Variants in KRTAP4-8 observed in about 807,000 individuals in gnomAD.
KRTAP4-8 encodes keratin associated protein 4-8.
For synonymous variants in KRTAP4-8, 66 were observed against 86.6 expected, an observed-to-expected ratio of 0.76 and a Z score of 1.32; for missense variants, 188 against 237.4, an observed-to-expected ratio of 0.79 and a Z score of 1.37.
rs780945513 is a variant in KRTAP4-8, at chr17:41,098,032, T to A, written c.53A>T (p.Asp18Val). ...GCAGCAGCAGGTCTCCTGGCAGAGG[T>A]CTTGGCCACAGCCTTGGTCAGAGCA... ...SVCSDQGCGQ[D>V]LCQETCCCPS... The change falls in exon 1 of 1, where the codon GAC becomes GTC. Residue 18 changes from aspartate to valine, a missense_variant. By Grantham distance (152) the Asp-to-Val change is radical. Transcript: ENST00000333822. 28 of 1,613,222 alleles carry A rather than the reference T, an allele frequency of 1.7e-5. No individual in the cohort carries two copies. Among genetic ancestry groups the A allele is most frequent in the African/African-American group, 2.7e-5 (2 of 74,844 alleles).
rs758741173 is a variant in KRTAP4-8 at position 41,097,678 on chromosome 17, C to T, written c.407G>A (p.Arg136His). Residue 136 changes from arginine (R) to histidine (H), a missense_variant, in exon 1 of 1, where the codon CGC (arginine) becomes CAC (histidine). By Grantham distance (29) the Arg-to-His change is conservative. Coordinates refer to ENST00000333822, the MANE Select transcript of KRTAP4-8 (RefSeq NM_031960.3). ...RPSCSISSCC[R>H]PSCCESSCCR... ...GCAGCTGGATTCACAGCAAGAGGGGCGGCAGCAGCTGGAGATGCTGCAGCT... is the reference window on the plus strand; with the variant it reads ...GCAGCTGGATTCACAGCAAGAGGGGTGGCAGCAGCTGGAGATGCTGCAGCT... 6.3e-7 allele frequency: 1 copy of T among 1,584,734 alleles called. No individual in the cohort carries two copies. The highest frequency in any genetic ancestry group is 8.6e-7 in the Non-Finnish European group (1 of 1,162,604).
rs1443480566 is a variant in KRTAP4-8 at position 41,097,015 on chromosome 17, T to C, written c.*512A>G. 6.3e-6 allele frequency: 1 copy of C among 157,792 alleles called. No homozygotes were observed. Among genetic ancestry groups the C allele is most frequent in the Non-Finnish European group, 1.4e-5 (1 of 71,722 alleles). The allele number at this position is 157,792 out of a possible 1,614,324, so 9.8% of individuals were successfully genotyped here. ...GAAAAGTTTAATACAATATATTTTG[T>C]GAACACAATAAAGATAAAGAACTAA... On this transcript the variant is annotated 3_prime_UTR_variant, in exon 1 of 1. Transcript: ENST00000333822.
chr17:41,097,924 C>T lies in KRTAP4-8; in HGVS notation c.161G>A (p.Cys54Tyr), dbSNP rs2013892906. 1.3e-6 allele frequency: 2 copies of T among 1,596,404 alleles called. No homozygotes were observed. Among genetic ancestry groups the T allele is most frequent in the African/African-American group, 2.7e-5 (2 of 73,734 alleles). Residue 54 changes from cysteine (C) to tyrosine (Y), a missense_variant, in exon 1 of 1, where the codon TGC becomes TAC. Coordinates refer to ENST00000333822, the MANE Select transcript of KRTAP4-8 (RefSeq NM_031960.3). ...GGGCTGGCAGCACACAGACTGGCAG[C>T]ACTGGGGTCTGCAGCAGCAGGACAC... ...YSVSCCCRPQ[C>Y]CQSVCCQPTC...
rs1462998765 is a variant in KRTAP4-8, at chr17:41,097,239, T to A, written c.*288A>T. 3 of 553,550 alleles carry A rather than the reference T, an allele frequency of 5.4e-6. No homozygotes were observed. Among genetic ancestry groups the A allele is most frequent in the East Asian group, 3.1e-5 (1 of 32,022 alleles). The allele number at this position is 553,550 out of a possible 1,614,324, so 34.3% of individuals were successfully genotyped here. ...ATATTCTGTAGGCTCAAAATGATTT[T>A]AAAAAATGAGGAATTTAGAGGATTG... On this transcript the variant is annotated 3_prime_UTR_variant, in exon 1 of 1. Transcript: ENST00000333822.
In KRTAP4-8 at chr17:41,098,070, A is replaced by G. The variant is rs753000200; in HGVS notation, c.15T>C (p.Cys5=). ...CTTGGTCAGAGCACACGGAGCCACA[A>G]CAGGAGTTGACCATGGTGTCAGAGG... MVNS[C]CGSVCSDQGC... is the part of the protein sequence containing the mutation. The change falls in exon 1 of 1, where the codon TGT becomes TGC. Residue 5 remains cysteine (C), a synonymous_variant. Transcript: ENST00000333822. 4.5e-6 allele frequency: 7 copies of G among 1,545,048 alleles called. No homozygotes were observed. The highest frequency in any genetic ancestry group is 1.7e-4 in the Middle Eastern group (1 of 5,874).
In KRTAP4-8 at chr17:41,097,398, A is replaced by T. The variant is rs1036513912; in HGVS notation, c.*129T>A. 2.8e-5 allele frequency: 38 copies of T among 1,364,538 alleles called. No individual in the cohort carries two copies. Among genetic ancestry groups the T allele is most frequent in the Admixed American group, 1.9e-4 (7 of 37,732 alleles). The allele number at this position is 1,364,538 out of a possible 1,614,324, so 84.5% of individuals were successfully genotyped here. A position where few individuals can be genotyped will look rare whatever the true frequency, so the allele number is the denominator to read the frequency against. On this transcript the variant is annotated 3_prime_UTR_variant, in exon 1 of 1. Coordinates refer to ENST00000333822, the MANE Select transcript of KRTAP4-8 (RefSeq NM_031960.3). ...GAGTCAGCGGGATGGTGATGGGCTCATTGGATACATGAGGTCCACCCTGCT... is the reference window on the plus strand; with the variant it reads ...GAGTCAGCGGGATGGTGATGGGCTCTTTGGATACATGAGGTCCACCCTGCT...
In KRTAP4-8 at chr17:41,097,760, A is replaced by T. The variant is rs1256084064; in HGVS notation, c.325T>A (p.Cys109Ser). The change falls in exon 1 of 1, where the codon TGC (cysteine) becomes AGC (serine). Residue 109 changes from cysteine to serine, a missense_variant. Transcript: ENST00000333822. ...CCRPSCCVSSCCKPQCCQSVC... is the reference protein window; with the variant it reads ...CCRPSCCVSSSCKPQCCQSVC... ...GACTGGCAGCACTGGGGCTTGCAGC[A>T]GCTGGACACACAGCAGCTGGGGCGG... 6.3e-7 allele frequency: 1 copy of T among 1,598,520 alleles called. No individual in the cohort carries two copies. Among genetic ancestry groups the T allele is most frequent in the African/African-American group, 1.3e-5 (1 of 74,394 alleles).
rs1297014056 is a variant in KRTAP4-8, at chr17:41,097,424, G to C, written c.*103C>G. 2 of 1,460,724 alleles carry C rather than the reference G, an allele frequency of 1.4e-6. No individual in the cohort carries two copies. The highest frequency in any genetic ancestry group is 1.4e-5 in the South Asian group (1 of 71,564). The allele number at this position is 1,460,724 out of a possible 1,614,324, so 90.5% of individuals were successfully genotyped here. A position where few individuals can be genotyped will look rare whatever the true frequency, so the allele number is the denominator to read the frequency against. On this transcript the variant is annotated 3_prime_UTR_variant, in exon 1 of 1. Transcript: ENST00000333822. ...TTGGATACATGAGGTCCACCCTGCT[G>C]AATGACATAAATCCCACTCCATGTG...
At position 41,097,812 on chromosome 17, in the gene KRTAP4-8, G is replaced by A. The variant is rs774068227; in HGVS notation, c.273C>T (p.His91=). 4.3e-6 allele frequency: 7 copies of A among 1,611,302 alleles called. 1 individual carries two copies. The Admixed American group carries it at 1.2e-4, about 27-fold the overall frequency. The change falls in exon 1 of 1, where the codon CAC becomes CAT. Residue 91 remains histidine (H), a synonymous_variant. Transcript: ENST00000333822. ...AGCAGCTGGAGATGCAGCAGCTAGG[G>A]TGGCAGCAGGTGGGCTGGCAGCACA... is the stretch of plus-strand genomic sequence containing the variant. ...QSVCCQPTCC[H]PSCCISSCCR...
In KRTAP4-8 at chr17:41,097,170, A is replaced by G. The variant is rs1214850416; in HGVS notation, c.*357T>C. On this transcript the variant is annotated 3_prime_UTR_variant, in exon 1 of 1. Transcript: ENST00000333822. ...GAATGACTGAAAGGCTGACAGACAA[A>G]TAGTATGTTTGAAAGGGAGATAATG... 6.1e-6 allele frequency: 2 copies of G among 328,372 alleles called. No homozygotes were observed. Among genetic ancestry groups the G allele is most frequent in the African/African-American group, 4.3e-5 (2 of 46,952 alleles). The allele number at this position is 328,372 out of a possible 1,614,324, so 20.3% of individuals were successfully genotyped here.
In KRTAP4-8 at chr17:41,097,614, T is replaced by A. The variant is rs1219388952; in HGVS notation, c.471A>T (p.Arg157=). The change falls in exon 1 of 1, where the codon CGA becomes CGT. Residue 157 remains arginine, a synonymous_variant. Transcript: ENST00000333822. ...GATAGCAAGTGGTGTGGCAGGAGAC[T>A]CGGCCACAGACTGGACGCAGGCAGC... ...PCCCLRPVCG[R]VSCHTTCYRP... is the part of the protein sequence containing the mutation. The A allele has an allele frequency of 1.3e-5, 20 of 1,572,986 alleles. No homozygotes were observed. Among genetic ancestry groups the A allele is most frequent in the Middle Eastern group, 1.7e-4 (1 of 5,894 alleles).
At position 41,098,037 on chromosome 17, in the gene KRTAP4-8, G is replaced by T. The variant is rs1340788223; in HGVS notation, c.48C>A (p.Gly16=). 2 of 1,612,972 alleles carry T rather than the reference G, an allele frequency of 1.2e-6. No individual in the cohort carries two copies. The highest frequency in any genetic ancestry group is 2.7e-5 in the African/African-American group (2 of 74,866). The stretch of plus-strand genomic sequence containing the variant: ...AGCAGGTCTCCTGGCAGAGGTCTTG[G>T]CCACAGCCTTGGTCAGAGCACACGG... ...CGSVCSDQGC[G]QDLCQETCCC... The change falls in exon 1 of 1, where the codon GGC becomes GGA. Residue 16 remains glycine (G), a synonymous_variant. Transcript: ENST00000333822.
At position 41,097,879 on chromosome 17, in the gene KRTAP4-8, C is replaced by A. The variant is rs547385096; in HGVS notation, c.206G>T (p.Cys69Phe). The change falls in exon 1 of 1, where the codon TGC becomes TTC. Residue 69 changes from cysteine (C) to phenylalanine (F), a missense_variant. Physicochemically the swap from Cys to Phe is radical, Grantham distance 205 (BLOSUM62 -2). Coordinates refer to ENST00000333822, the MANE Select transcript of KRTAP4-8 (RefSeq NM_031960.3). The stretch of plus-strand genomic sequence containing the variant: ...GGGCTTGCAGCAGCTGGACACACAG[C>A]AGCTGGGGCGACAGCAGGTGGGCTG... ...CCQPTCCRPS[C>F]CVSSCCKPQC... 2.5e-4 allele frequency: 368 copies of A among 1,491,562 alleles called. 4 individuals are homozygous for A. In the South Asian group the frequency reaches 3.7e-3, roughly 15 times the overall value. 92.4% of individuals were successfully genotyped at this position (1,491,562 alleles called of 1,614,324 possible). A position where few individuals can be genotyped will look rare whatever the true frequency, so the allele number is the denominator to read the frequency against.
Position 41,098,077 on chromosome 17 carries a change from T to G in KRTAP4-8, c.8A>C (p.Asn3Thr), listed in dbSNP as rs866031862. The change falls in exon 1 of 1, where the codon AAC becomes ACC. Residue 3 changes from asparagine (N) to threonine (T), a missense_variant. Transcript: ENST00000333822. ...AGAGCACACGGAGCCACAACAGGAG[T>G]TGACCATGGTGTCAGAGGGTGAAGG... MV[N>T]SCCGSVCSDQ... is the part of the protein sequence containing the mutation. 2.6e-6 allele frequency: 4 copies of G among 1,540,578 alleles called. No homozygotes were observed. The highest frequency in any genetic ancestry group is 2.3e-5 in the South Asian group (2 of 87,440).
At position 41,097,269 on chromosome 17, in the gene KRTAP4-8, A is replaced by T. The variant is rs6503593; in HGVS notation, c.*258T>A. 370,419 of 607,284 alleles carry T rather than the reference A, an allele frequency of 0.61. 114,502 individuals carry two copies. The highest frequency in any genetic ancestry group is 0.68 in the Middle Eastern group (1,494 of 2,212). 37.6% of individuals were successfully genotyped at this position (607,284 alleles called of 1,614,324 possible). On this transcript the variant is annotated 3_prime_UTR_variant, in exon 1 of 1. Coordinates refer to ENST00000333822, the MANE Select transcript of KRTAP4-8 (RefSeq NM_031960.3). ...AATGAGGAATTTAGAGGATTGGAAT[A>T]ATTTCTTAGCTAGTGGATTACAAAT...
chr17:41,097,390 A>G lies in KRTAP4-8; in HGVS notation c.*137T>C. ...TTCTCACAGAGTCAGCGGGATGGTGATGGGCTCATTGGATACATGAGGTCC... is the reference window on the plus strand; with the variant it reads ...TTCTCACAGAGTCAGCGGGATGGTGGTGGGCTCATTGGATACATGAGGTCC... On this transcript the variant is annotated 3_prime_UTR_variant, in exon 1 of 1. Transcript: ENST00000333822. 7.6e-7 allele frequency: 1 copy of G among 1,307,448 alleles called. No homozygotes were observed. The highest frequency in any genetic ancestry group is 1.0e-6 in the Non-Finnish European group (1 of 965,514). The allele number at this position is 1,307,448 out of a possible 1,614,324, so 81.0% of individuals were successfully genotyped here. A position where few individuals can be genotyped will look rare whatever the true frequency, so the allele number is the denominator to read the frequency against.
At position 41,097,795 on chromosome 17, in the gene KRTAP4-8, G is replaced by T. The variant is rs751671330; in HGVS notation, c.290C>A (p.Ser97Tyr). ...PTCCHPSCCI[S>Y]SCCRPSCCVS... The stretch of plus-strand genomic sequence containing the variant: ...ACAGCAGCTGGGGCGGCAGCAGCTG[G>T]AGATGCAGCAGCTAGGGTGGCAGCA... The change falls in exon 1 of 1, where the codon TCC becomes TAC. Residue 97 changes from serine (S) to tyrosine (Y), a missense_variant. Transcript: ENST00000333822. 2 of 1,600,144 alleles carry T rather than the reference G, an allele frequency of 1.2e-6. No homozygotes were observed. Among genetic ancestry groups the T allele is most frequent in the East Asian group, 2.2e-5 (1 of 44,656 alleles).
chr17:41,097,445 A>T lies in KRTAP4-8; in HGVS notation c.*82T>A, dbSNP rs1339110214. 6 of 1,493,656 alleles carry T rather than the reference A, an allele frequency of 4.0e-6. No individual in the cohort carries two copies. The highest frequency in any genetic ancestry group is 5.4e-6 in the Non-Finnish European group (6 of 1,114,668). The allele number at this position is 1,493,656 out of a possible 1,614,324, so 92.5% of individuals were successfully genotyped here. On this transcript the variant is annotated 3_prime_UTR_variant, in exon 1 of 1. Transcript: ENST00000333822. ...TGCTGAATGACATAAATCCCACTCC[A>T]TGTGTCCTAATATTCAGCACAGAAG...
rs528892094 is a variant in KRTAP4-8, at chr17:41,097,119, C to T, written c.*408G>A. On this transcript the variant is annotated 3_prime_UTR_variant, in exon 1 of 1. Coordinates refer to ENST00000333822, the MANE Select transcript of KRTAP4-8 (RefSeq NM_031960.3). ...AGAAAGCGGGAGAGCACGGGAGGGG[C>T]AGCCTCCTACCTTTCCAAAAGAAAA... 23 of 220,454 alleles carry T rather than the reference C, an allele frequency of 1.0e-4. No homozygotes were observed. The highest frequency in any genetic ancestry group is 4.8e-4 in the African/African-American group (21 of 43,470). The allele number at this position is 220,454 out of a possible 1,614,324, so 13.7% of individuals were successfully genotyped here.
Sources: allele counts gnomAD v4.1 joint callset, GRCh38; gene constraint gnomAD v4.1.1; transcripts MANE v1.5; gene names NCBI Gene and HGNC (gene_info 2026-07-23, HGNC 2026-07-21).